The following BTBD1 variants were observed in gnomAD, a reference collection of about 807,000 sequenced individuals.
BTBD1 encodes the protein BTB/POZ domain-containing protein 1.
In BTBD1, 34 loss-of-function variants were observed where a neutral mutation model predicts 48.0. The observed-to-expected ratio is 0.71, with a 90% CI of 0.54 to 0.94. BTBD1 has a LOEUF of 0.94. Among genes scored for constraint, BTBD1 ranks in the 40% least tolerant of loss-of-function variants. BTBD1 has a pLI of 0.00. For synonymous variants in BTBD1, 261 were observed against 242.1 expected, an observed-to-expected ratio of 1.08 and a Z score of -0.72; for missense variants, 543 against 625.6, an observed-to-expected ratio of 0.87 and a Z score of 1.41.
chr15:83,029,721 A>G (rs1343552816), intron 5 of BTBD1: 1 of 162,046 alleles, frequency 6.2e-6, no homozygotes, highest in East Asian at 1.9e-4. Context: ...AAAATCCAAA[A>G]AGATTAGCTG....
chr15:83,038,115 G>T (rs886732077), intron 4 of BTBD1, among the ~76,000 whole-genome samples: 1 of 151,998 alleles, frequency 6.6e-6, no homozygotes, highest in African/African-American at 2.4e-5. Flanking sequence ...CACCAAAGGC[G>T]CCTGGAACTG....
In BTBD1 at chr15:83,030,138, G is replaced by T; in HGVS notation, c.1053C>A (p.Ile351=). 1.2e-6 allele frequency: 2 copies of T among 1,613,752 alleles called. No individual in the cohort carries two copies. Among genetic ancestry groups the T allele is most frequent in the South Asian group, 1.1e-5 (1 of 91,060 alleles). The change falls in exon 5 of 8, where the codon ATC becomes ATA. Residue 351 remains isoleucine (I), a splice_region_variant and synonymous_variant. Coordinates refer to ENST00000261721, the MANE Select transcript of BTBD1 (RefSeq NM_025238.4). ...RWGYSGTSDR[I]RFTVNRRISI... ...CGCATCCCCAATATAACAGATACCT[G>T]ATTCGATCACTCGTCCCACTGTAAC... is the stretch of plus-strand genomic sequence containing the variant.
chr15:83,042,696 T>A (rs1463752720), intron 3 of BTBD1, among the ~76,000 whole-genome samples: 2 of 152,090 alleles, frequency 1.3e-5, no homozygotes, highest in African/African-American at 2.4e-5. Context: ...CACTGATATA[T>A]CACTGAACAA....
rs372767759 is a variant in BTBD1, at chr15:83,065,725, T to C, written c.401+1026A>G. On this transcript the variant is annotated intron_variant, in intron 1 of 7. Coordinates refer to ENST00000261721, the MANE Select transcript of BTBD1 (RefSeq NM_025238.4). ...TTGACTCTTCTGGGCCTCAGTCCCA[T>C]TTGTGAAATTGGGGTAAACAATTCT... 2.6e-5 allele frequency among the ~76,000 whole-genome samples: 4 copies of C among 152,214 alleles called. No homozygotes were observed. The East Asian group carries it at 5.8e-4, about 22-fold the overall frequency.
At chr15:83,033,099 C>T (rs531568580) in intron 4 of BTBD1, among the ~76,000 whole-genome samples, 1 of 152,048 alleles carries the variant, frequency 6.6e-6, no homozygotes, top group East Asian at 1.9e-4. Flanking sequence ...GCAGTGTGCC[C>T]CTCTAGTCCC....
intron 1 of BTBD1, among the ~76,000 whole-genome samples, chr15:83,062,966 C>A (rs939630198): frequency 6.6e-6 from 1 of 152,160 alleles, no homozygotes; most frequent in Non-Finnish European, 1.5e-5. Flanking sequence ...GCAGGGTTAT[C>A]GATAGCTTCC....
In BTBD1 at chr15:83,041,867, A is replaced by G; in HGVS notation, c.723T>C (p.Phe241=). The G allele has an allele frequency of 1.2e-6, 2 of 1,614,172 alleles. No homozygotes were observed. Among genetic ancestry groups the G allele is most frequent in the Non-Finnish European group, 1.7e-6 (2 of 1,180,012 alleles). Residue 241 remains phenylalanine (F), a synonymous_variant, in exon 4 of 8, where the codon TTT becomes TTC. Coordinates refer to ENST00000261721, the MANE Select transcript of BTBD1 (RefSeq NM_025238.4). ...CTTCTGCCCAGCGTACAACAGCTCC[A>G]AAAAGTCGACTTTCTCGAATACTGA... ...DTLSIRESRL[F]GAVVRWAEAE...
chr15:83,021,838 G>A (rs1038271193), intron 5 of BTBD1, among the ~76,000 whole-genome samples: 1 of 151,924 alleles, frequency 6.6e-6, no homozygotes, highest in Non-Finnish European at 1.5e-5. Flanking sequence ...ATTACATTGA[G>A]TAACTCTCAA....
rs61294242 is a variant in BTBD1 at position 83,042,348 on chromosome 15, T to TTATATATATATATATATATATA, written c.665-445_665-424dup. Among the ~76,000 whole-genome samples, 852 of 109,488 alleles carry TTATATATATATATATATATATA rather than the reference T, an allele frequency of 7.8e-3. 22 individuals carry two copies. The highest frequency in any genetic ancestry group is 0.011 in the African/African-American group (296 of 26,820). 71.8% of individuals were successfully genotyped at this position (109,488 alleles called of 152,430 possible). ...ACGTGCCAGGTACTATTAGGCAATT[T>TTATATATATATATATATATATA]TATATATATATATATATATATATAT... On this transcript the variant is annotated intron_variant, in intron 3 of 7. Coordinates refer to ENST00000261721, the MANE Select transcript of BTBD1 (RefSeq NM_025238.4).
At chr15:83,043,283 A>AAATAT (rs1263668713) in intron 3 of BTBD1, among the ~76,000 whole-genome samples, 5 of 152,350 alleles carry the variant, frequency 3.3e-5, no homozygotes, top group Non-Finnish European at 7.3e-5. Context: ...CTCTCATATT[A>AAATAT]AAGTGTGCCT....
intron 5 of BTBD1, chr15:83,022,293 C>A (rs1267788968): frequency 2.0e-5 from 3 of 150,898 alleles, no homozygotes; most frequent in Non-Finnish European, 2.9e-5. Flanking sequence ...TCAGATGATA[C>A]TCCCAACTCA....
At chr15:83,060,473 A>C (rs765824447) in intron 1 of BTBD1, among the ~76,000 whole-genome samples, 22 of 151,892 alleles carry the variant, frequency 1.4e-4, no homozygotes, top group Non-Finnish European at 2.6e-4. Context: ...AAAAAAAAAA[A>C]AACAACTTAG....
chr15:83,041,667 C>T (rs951580841), intron 4 of BTBD1, 61 bp downstream of exon 4: 65 of 1,524,800 alleles, frequency 4.3e-5, no homozygotes, highest in Non-Finnish European at 5.3e-5. Context: ...AGCCACCAGG[C>T]CCAGCCCTGA....
chr15:83,051,474 TTATATA>T lies in BTBD1; in HGVS notation c.559-1302_559-1297del, dbSNP rs372292562. ...TTTAAATTTAAGTATATTTTAAAAA[TTATATA>T]TATATATATTTTAAGTTTAAAACAT... On this transcript the variant is annotated intron_variant, in intron 2 of 7. Coordinates refer to ENST00000261721, the MANE Select transcript of BTBD1 (RefSeq NM_025238.4). Among the ~76,000 whole-genome samples the T allele has an allele frequency of 2.0e-5, 3 of 148,486 alleles. No individual in the cohort carries two copies. The South Asian group carries it at 6.3e-4, about 31-fold the overall frequency.
intron 2 of BTBD1, among the ~76,000 whole-genome samples, chr15:83,051,525 T>G (rs1037042238): frequency 6.7e-6 from 1 of 150,314 alleles, no homozygotes; most frequent in Non-Finnish European, 1.5e-5. Context: ...ACATAAAATA[T>G]GTATAGAATA....
chr15:83,047,393 C>A (rs1218299789), intron 3 of BTBD1, among the ~76,000 whole-genome samples: 1 of 152,044 alleles, frequency 6.6e-6, no homozygotes, highest in African/African-American at 2.4e-5. Context: ...ATAAATAATC[C>A]TGGCCAGCGC....
chr15:83,042,348 T>TATA (rs2032777258), intron 3 of BTBD1, among the ~76,000 whole-genome samples: 6 of 109,896 alleles, frequency 5.5e-5, no homozygotes, highest in Non-Finnish European at 9.2e-5. Context: ...TTAGGCAATT[T>TATA]TATATATATA....
intron 6 of BTBD1, 185 bp downstream of exon 6, chr15:83,020,490 A>G (rs776541435): frequency 1.8e-5 from 9 of 487,402 alleles, no homozygotes; most frequent in Non-Finnish European, 2.9e-5. Context: ...GAAGGACCCC[A>G]ATTTTCTGCA....
In BTBD1 at chr15:83,056,488, A is replaced by G; in HGVS notation, c.459T>C (p.Tyr153=). The change falls in exon 2 of 8, where the codon TAT becomes TAC. Residue 153 remains tyrosine, a synonymous_variant. Coordinates refer to ENST00000261721, the MANE Select transcript of BTBD1 (RefSeq NM_025238.4). ...CTGGGACTGCGTATTTCTTGGCAGT[A>G]TAAAGAGTGGTCATAACTGTTTCTG... ...IGPETVMTTL[Y]TAKKYAVPAL... 1 of 1,613,384 alleles carries G rather than the reference A, an allele frequency of 6.2e-7. No individual in the cohort carries two copies. Among genetic ancestry groups the G allele is most frequent in the South Asian group, 1.1e-5 (1 of 91,072 alleles).
Sources: gnomAD v4.1 joint callset for allele counts (sites outside exome capture counted in the v4.1 genomes callset) on GRCh38, gnomAD v4.1.1 for gene constraint, MANE v1.5 for transcripts, NCBI Gene and HGNC (gene_info 2026-07-23, HGNC 2026-07-21) for gene names.